The following PRKG1 variants were observed in gnomAD, a reference collection of about 807,000 sequenced individuals.
PRKG1 encodes protein kinase cGMP-dependent 1.
In PRKG1, 35 loss-of-function variants were observed where a neutral mutation model predicts 88.1. The observed-to-expected ratio is 0.40, with a 90% CI of 0.30 to 0.53. The LOEUF (loss-of-function observed/expected upper bound fraction) is 0.53. PRKG1 is among the 20% of genes least tolerant of loss of function. The probability of loss-of-function intolerance (pLI) is 0.59; values close to 1 mark genes in which losing one functional copy is unlikely to be tolerated. For missense variants in PRKG1, 540 were observed against 839.8 expected, an observed-to-expected ratio of 0.64 and a Z score of 4.41; for synonymous variants, 303 against 292.5, an observed-to-expected ratio of 1.04 and a Z score of -0.37.
intron 3 of PRKG1, among the ~76,000 whole-genome samples, chr10:51,740,200 A>G (rs140096348): frequency 4.3e-4 from 66 of 152,090 alleles, no homozygotes; most frequent in Admixed American, 1.5e-3. Context: ...TAACTTTTGT[A>G]TTTTTTGTAG....
chr10:52,138,209 A>G (rs4935313), intron 8 of PRKG1, among the ~76,000 whole-genome samples: 22,547 of 151,812 alleles, frequency 0.15, 2,575 homozygotes, highest in African/African-American at 0.31. Context: ...CCCTACTCCT[A>G]GGACATTCTA....
intron 1 of PRKG1, among the ~76,000 whole-genome samples, chr10:51,036,212 T>C (rs1320504196): frequency 2.0e-5 from 3 of 152,178 alleles, no homozygotes; most frequent in African/African-American, 7.2e-5. Context: ...TTTCTCCTCA[T>C]CAGTCAACAT....
At chr10:52,289,741 G>GA (rs1477025452) in intron 16 of PRKG1, among the ~76,000 whole-genome samples, 3 of 151,938 alleles carry the variant, frequency 2.0e-5, no homozygotes, top group East Asian at 1.9e-4. Flanking sequence ...TTAAAAAAGG[G>GA]AAAAAAAGAA....
intron 7 of PRKG1, among the ~76,000 whole-genome samples, chr10:52,075,614 T>C (rs1445467961): frequency 6.6e-6 from 1 of 152,236 alleles, no homozygotes; most frequent in Non-Finnish European, 1.5e-5. Flanking sequence ...GCCATTTTAG[T>C]TAGCTTAGTT....
chr10:51,987,858 A>G (rs1257499272), intron 5 of PRKG1, among the ~76,000 whole-genome samples: 1 of 152,102 alleles, frequency 6.6e-6, no homozygotes, highest in Non-Finnish European at 1.5e-5. Flanking sequence ...AACGGCCACA[A>G]GGAGCAATAT....
At chr10:52,280,117 T>C (rs1467469180) in intron 12 of PRKG1, among the ~76,000 whole-genome samples, 1 of 152,110 alleles carries the variant, frequency 6.6e-6, no homozygotes, top group Non-Finnish European at 1.5e-5. Context: ...TCTAGTTACT[T>C]TTTTCTTTGT....
intron 2 of PRKG1, among the ~76,000 whole-genome samples, chr10:51,302,244 G>T (rs191479524): frequency 2.0e-5 from 3 of 152,282 alleles, no homozygotes; most frequent in African/African-American, 7.2e-5. Flanking sequence ...TTCCAGAGAC[G>T]TTTAAAAACT....
chr10:51,309,639 T>C (rs918207281), intron 2 of PRKG1, among the ~76,000 whole-genome samples: 1 of 152,062 alleles, frequency 6.6e-6, no homozygotes, highest in Admixed American at 6.6e-5. Context: ...TCATACACAA[T>C]TATTGAGAAT....
chr10:51,572,241 T>A (rs1192963796), intron 3 of PRKG1, among the ~76,000 whole-genome samples: 2 of 151,910 alleles, frequency 1.3e-5, no homozygotes, highest in Non-Finnish European at 2.9e-5. Context: ...ATGTCAGCCA[T>A]ACACTGTGCC....
intron 2 of PRKG1, among the ~76,000 whole-genome samples, chr10:51,352,850 A>G (rs1842280616): frequency 6.6e-6 from 1 of 152,174 alleles, no homozygotes; most frequent in African/African-American, 2.4e-5. Context: ...ATATTACCTG[A>G]CTTCAAATTA....
chr10:51,159,556 A>G lies in PRKG1; in HGVS notation c.478+6226A>G, dbSNP rs74896787. 1.6e-3 allele frequency among the ~76,000 whole-genome samples: 243 copies of G among 152,262 alleles called. 7 individuals carry two copies. In the East Asian group the frequency reaches 0.043, roughly 27 times the overall value. Reference sequence around the variant, plus strand: ...ACCTGATTATAAGAGGTTATCACAAATAAGGAGAGTCTTGAAGCACTAAAT... The same window carrying G: ...ACCTGATTATAAGAGGTTATCACAAGTAAGGAGAGTCTTGAAGCACTAAAT... On this transcript the variant is annotated intron_variant, in intron 2 of 17. Coordinates refer to ENST00000373980, the MANE Select transcript of PRKG1 (RefSeq NM_006258.4).
chr10:51,818,695 T>A (rs568837542), intron 4 of PRKG1, among the ~76,000 whole-genome samples: 1 of 152,248 alleles, frequency 6.6e-6, no homozygotes, highest in African/African-American at 2.4e-5. Flanking sequence ...TGCCTTAGTC[T>A]GTTTAATATT....
chr10:51,383,954 T>C (rs1016906989), intron 2 of PRKG1, among the ~76,000 whole-genome samples: 11 of 152,166 alleles, frequency 7.2e-5, no homozygotes, highest in African/African-American at 2.7e-4. Context: ...CCTATGTTGA[T>C]TAAGCAAAGA....
intron 2 of PRKG1, among the ~76,000 whole-genome samples, chr10:51,225,427 A>G (rs1045396764): frequency 6.6e-6 from 1 of 152,172 alleles, no homozygotes; most frequent in Admixed American, 6.5e-5. Flanking sequence ...ACACCAAATT[A>G]TGAATTAATG....
At chr10:51,832,695 A>G (rs2132756148) in intron 4 of PRKG1, among the ~76,000 whole-genome samples, 1 of 152,282 alleles carries the variant, frequency 6.6e-6, no homozygotes, top group Non-Finnish European at 1.5e-5. Context: ...ATCACAAAAT[A>G]TAGCTTAAAG....
intron 3 of PRKG1, among the ~76,000 whole-genome samples, chr10:51,729,413 G>T (rs1842216458): frequency 6.6e-6 from 1 of 151,960 alleles, no homozygotes; most frequent in Non-Finnish European, 1.5e-5. Flanking sequence ...TAACCCAAAA[G>T]CCACTGTCAA....
At chr10:52,170,173 C>T (rs1838625659) in intron 9 of PRKG1, among the ~76,000 whole-genome samples, 1 of 152,142 alleles carries the variant, frequency 6.6e-6, no homozygotes, top group African/African-American at 2.4e-5. Flanking sequence ...GCAAGGATCG[C>T]TTAAGCCTTC....
At chr10:51,570,203 C>T (rs181227618) in intron 3 of PRKG1, among the ~76,000 whole-genome samples, 6 of 151,476 alleles carry the variant, frequency 4.0e-5, no homozygotes, top group East Asian at 3.9e-4. Flanking sequence ...CCGCACAGCC[C>T]GCACAGCTGA....
chr10:51,546,771 C>A (rs1258208616), intron 3 of PRKG1, among the ~76,000 whole-genome samples: 2 of 152,104 alleles, frequency 1.3e-5, no homozygotes, highest in Non-Finnish European at 1.5e-5. Context: ...CTGTGACTCT[C>A]CAAGACAGAA....
Sources: gnomAD v4.1 joint callset for allele counts (sites outside exome capture counted in the v4.1 genomes callset) on GRCh38, gnomAD v4.1.1 for gene constraint, MANE v1.5 for transcripts, NCBI Gene and HGNC (gene_info 2026-07-23, HGNC 2026-07-21) for gene names.